NMT2: variants seen among roughly 807,000 people sequenced by gnomAD.
NMT2 encodes N-myristoyltransferase 2.
NMT2 carries 35 observed loss-of-function variants against 65.4 expected under a neutral mutation model. The ratio of observed to expected loss-of-function variants is 0.54; its 90% confidence interval spans 0.41 to 0.71. The LOEUF is 0.71. Among genes scored for constraint, NMT2 ranks in the 30% least tolerant of loss-of-function variants. The probability of loss-of-function intolerance (pLI) is 0.00; values close to 1 mark genes in which losing one functional copy is unlikely to be tolerated. For missense variants in NMT2, 489 were observed against 611.3 expected, an observed-to-expected ratio of 0.80 and a Z score of 2.11; for synonymous variants, 226 against 231.8, an observed-to-expected ratio of 0.98 and a Z score of 0.23.
At chr10:15,117,793 A>ATATCTAGT in intron 9 of NMT2, among the ~76,000 whole-genome samples, 1 of 152,234 alleles carries the variant, frequency 6.6e-6, no homozygotes, top group Non-Finnish European at 1.5e-5. Context: ...ATCGCCCCAA[A>ATATCTAGT]GAAAGTGAAA....
At chr10:15,159,896 G>C (rs748346513) in intron 1 of NMT2, among the ~76,000 whole-genome samples, 2 of 152,214 alleles carry the variant, frequency 1.3e-5, no homozygotes, top group Non-Finnish European at 2.9e-5. Context: ...CTGGGGAGAT[G>C]AGGTGAGAGC....
rs1845402410 is a variant in NMT2 at position 15,108,719 on chromosome 10, A to G, written c.*476T>C. 2.0e-6 allele frequency: 2 copies of G among 1,000,136 alleles called. No individual in the cohort carries two copies. The highest frequency in any genetic ancestry group is 2.4e-6 in the Non-Finnish European group (2 of 840,382). 62.0% of individuals were successfully genotyped at this position (1,000,136 alleles called of 1,614,324 possible). ...TGATTCCATAAATGTTCCCAGTGAT[A>G]CCATGTAAGGTGATACCAGTAAAAA... On this transcript the variant is annotated 3_prime_UTR_variant, in exon 12 of 12. Coordinates refer to ENST00000378165, the MANE Select transcript of NMT2 (RefSeq NM_004808.3).
At chr10:15,113,463 CAA>C (rs1169255963) in intron 9 of NMT2, among the ~76,000 whole-genome samples, 7 of 37,004 alleles carry the variant, frequency 1.9e-4, no homozygotes, top group East Asian at 8.0e-4. Flanking sequence ...GGATGAGACT[CAA>C]AAAAAAAAAA....
intron 8 of NMT2, among the ~76,000 whole-genome samples, chr10:15,126,023 C>T (rs912353710): frequency 3.9e-5 from 6 of 152,052 alleles, no homozygotes; most frequent in Non-Finnish European, 8.8e-5. Context: ...CCATCAGTGG[C>T]ACACAGATTC....
At chr10:15,135,053 T>C (rs900205105) in intron 3 of NMT2, among the ~76,000 whole-genome samples, 1 of 152,168 alleles carries the variant, frequency 6.6e-6, no homozygotes, top group African/African-American at 2.4e-5. Context: ...GGGATAGAAA[T>C]TGGACTAAAA....
rs1237245967 is a variant in NMT2 at position 15,133,273 on chromosome 10, T to G, written c.482A>C (p.Asp161Ala). Residue 161 changes from aspartate to alanine, a missense_variant, in exon 4 of 12, where the codon GAC (aspartate) becomes GCC (alanine). Coordinates refer to ENST00000378165, the MANE Select transcript of NMT2 (RefSeq NM_004808.3). ...PYSLPQGFMWDTLDLSDAEVL... is the reference protein window; with the variant it reads ...PYSLPQGFMWATLDLSDAEVL... ...TTCGGCATCACTCAAGTCTAAAGTG[T>G]CCCACATAAAACCCTGTGGCAAAGA... The G allele has an allele frequency of 1.2e-6, 2 of 1,614,154 alleles. No homozygotes were observed.
At chr10:15,167,758 C>A (rs984206963) in intron 1 of NMT2, among the ~76,000 whole-genome samples, 1 of 152,174 alleles carries the variant, frequency 6.6e-6, no homozygotes, top group African/African-American at 2.4e-5. Flanking sequence ...TTAAGAAATC[C>A]GATCAAGTGT....
rs991313489 is a variant in NMT2, at chr10:15,107,656, T to C, written c.*1539A>G. The C allele has an allele frequency of 5.4e-6, 3 of 553,778 alleles. No individual in the cohort carries two copies. In the African/African-American group the frequency reaches 6.2e-5, roughly 11 times the overall value. The allele number at this position is 553,778 out of a possible 1,614,324, so 34.3% of individuals were successfully genotyped here. On this transcript the variant is annotated 3_prime_UTR_variant, in exon 12 of 12. Transcript: ENST00000378165. ...TTTTAGTAGAGATGGGGTTTCACCA[T>C]GTTGGCCAGGCTGGTCTCGAACCCC...
intron 1 of NMT2, among the ~76,000 whole-genome samples, chr10:15,149,520 C>A (rs376984311): frequency 1.3e-4 from 8 of 63,438 alleles, no homozygotes; most frequent in Non-Finnish European, 2.7e-4. Flanking sequence ...ATTATCACCA[C>A]CATCATCACC....
rs949940887 is a variant in NMT2 at position 15,141,334 on chromosome 10, C to T, written c.246+88G>A. On this transcript the variant is annotated intron_variant, in intron 2 of 11. Coordinates refer to ENST00000378165, the MANE Select transcript of NMT2 (RefSeq NM_004808.3). ...ACACACAGTCACAACAAAGTCCCTA[C>T]ACATCTGATGCAGCAGCGCGCTAAA... is the stretch of plus-strand genomic sequence containing the variant. 8.0e-6 allele frequency: 12 copies of T among 1,502,582 alleles called. No individual in the cohort carries two copies. In the African/African-American group the frequency reaches 1.4e-4, roughly 17 times the overall value. The allele number at this position is 1,502,582 out of a possible 1,614,324, so 93.1% of individuals were successfully genotyped here.
At chr10:15,167,242 C>T (rs1396787464) in intron 1 of NMT2, among the ~76,000 whole-genome samples, 1 of 152,078 alleles carries the variant, frequency 6.6e-6, no homozygotes, top group Non-Finnish European at 1.5e-5. Context: ...GAAGTATTCA[C>T]GGCAAAGATA....
chr10:15,114,467 C>CA (rs1480075936), intron 9 of NMT2, among the ~76,000 whole-genome samples: 2 of 151,854 alleles, frequency 1.3e-5, no homozygotes, highest in Admixed American at 1.3e-4. Context: ...CAAAACAAAA[C>CA]AAAAAAACCC....
chr10:15,114,472 A>C (rs939725102), intron 9 of NMT2, among the ~76,000 whole-genome samples: 1 of 152,052 alleles, frequency 6.6e-6, no homozygotes, highest in African/African-American at 2.4e-5. Context: ...CAAAACAAAA[A>C]AACCCCGCTC....
At position 15,108,388 on chromosome 10, in the gene NMT2, T is replaced by A. The variant is rs1325991799; in HGVS notation, c.*807A>T. 1 of 548,614 alleles carries A rather than the reference T, an allele frequency of 1.8e-6. No homozygotes were observed. The highest frequency in any genetic ancestry group is 2.3e-6 in the Non-Finnish European group (1 of 431,394). 34.0% of individuals were successfully genotyped at this position (548,614 alleles called of 1,614,324 possible). A position where few individuals can be genotyped will look rare whatever the true frequency, so the allele number is the denominator to read the frequency against. On this transcript the variant is annotated 3_prime_UTR_variant, in exon 12 of 12. Coordinates refer to ENST00000378165, the MANE Select transcript of NMT2 (RefSeq NM_004808.3). Reference sequence around the variant, plus strand: ...TTTTAGTAGAGATGGGGTTTCACTATGTTGGCCAGAATGGTCTCGATCTCC... The same window carrying A: ...TTTTAGTAGAGATGGGGTTTCACTAAGTTGGCCAGAATGGTCTCGATCTCC...
At chr10:15,112,323 G>A (rs1390197824) in intron 10 of NMT2, among the ~76,000 whole-genome samples, 4 of 136,950 alleles carry the variant, frequency 2.9e-5, no homozygotes, top group East Asian at 2.4e-4. Context: ...CTGCCTCCCA[G>A]GTTCAAGCAA....
chr10:15,137,577 T>A (rs1023381541), intron 2 of NMT2, among the ~76,000 whole-genome samples: 1 of 152,124 alleles, frequency 6.6e-6, no homozygotes, highest in Non-Finnish European at 1.5e-5. Context: ...ACAATTTAAA[T>A]AGGAATTGAG....
intron 3 of NMT2, among the ~76,000 whole-genome samples, chr10:15,134,622 G>C (rs1316463862): frequency 1.3e-5 from 2 of 152,040 alleles, no homozygotes; most frequent in African/African-American, 4.8e-5. Flanking sequence ...ACACTCAACA[G>C]ACACCTGCTC....
At chr10:15,150,272 TA>T (rs1832756906) in intron 1 of NMT2, among the ~76,000 whole-genome samples, 1 of 152,216 alleles carries the variant, frequency 6.6e-6, no homozygotes, top group African/African-American at 2.4e-5. Flanking sequence ...GCACCCATCT[TA>T]CCTAAGTTGA....
chr10:15,125,633 T>G (rs1846049311), intron 8 of NMT2, among the ~76,000 whole-genome samples: 1 of 152,114 alleles, frequency 6.6e-6, no homozygotes, highest in Admixed American at 6.6e-5. Context: ...GAAGTTTGTA[T>G]GTATGTATGT....
Sources: allele counts gnomAD v4.1 joint callset (sites outside exome capture counted in the v4.1 genomes callset), GRCh38; gene constraint gnomAD v4.1.1; transcripts MANE v1.5; gene names NCBI Gene and HGNC (gene_info 2026-07-23, HGNC 2026-07-21).